Variants in MLLT1 observed in about 807,000 individuals in gnomAD.
MLLT1 encodes protein ENL.
In MLLT1, 11 loss-of-function variants were observed where a neutral mutation model predicts 55.1. The observed-to-expected ratio is 0.20, with a 90% CI of 0.13 to 0.33. The LOEUF (loss-of-function observed/expected upper bound fraction) is 0.33, where lower values mean the gene tolerates loss of function less well. MLLT1 is among the 10% of genes least tolerant of loss of function. The probability of loss-of-function intolerance (pLI) is 1.00; values close to 1 mark genes in which losing one functional copy is unlikely to be tolerated. For missense variants in MLLT1, 536 were observed against 760.6 expected, an observed-to-expected ratio of 0.70 and a Z score of 3.47; for synonymous variants, 323 against 320.1, an observed-to-expected ratio of 1.01 and a Z score of -0.10.
At chr19:6,238,881 G>A (rs2091087919) in intron 3 of MLLT1, among the ~76,000 whole-genome samples, 1 of 151,958 alleles carries the variant, frequency 6.6e-6, no homozygotes, top group Admixed American at 6.5e-5. Flanking sequence ...GCCTTGCTCT[G>A]CTTCAGGCGG....
rs1315609377 is a variant in MLLT1, at chr19:6,240,151, C to A, written c.277-9438G>T. ...CCTCTGGCTGGGAGGACAGTGTGGG[C>A]AGCATTAGCCCAGGCCCCTTCACGC... On this transcript the variant is annotated intron_variant, in intron 3 of 11. Transcript: ENST00000252674. The surrounding 1 kb of genome is among the most constrained non-coding windows in gnomAD (Gnocchi z 4.7). Among the ~76,000 whole-genome samples the A allele has an allele frequency of 6.6e-6, 1 of 152,166 alleles. No individual in the cohort carries two copies. The highest frequency in any genetic ancestry group is 1.5e-5 in the Non-Finnish European group (1 of 68,016).
chr19:6,213,610 T>G (rs540709404), intron 10 of MLLT1, 116 bp downstream of exon 10: 1 of 1,126,590 alleles, frequency 8.9e-7, no homozygotes, highest in African/African-American at 1.5e-5. Flanking sequence ...TCCCTGCTCC[T>G]GCCCAGGAAG....
intron 10 of MLLT1, 54 bp downstream of exon 10, chr19:6,213,672 T>TGGCC: frequency 7.4e-6 from 8 of 1,075,332 alleles, no homozygotes; most frequent in South Asian, 1.3e-5. Context: ...TGGCTGCAAC[T>TGGCC]CCCACCACCC....
chr19:6,236,510 CAG>C (rs1455700964), intron 3 of MLLT1, among the ~76,000 whole-genome samples: 2 of 152,168 alleles, frequency 1.3e-5, no homozygotes, highest in Admixed American at 1.3e-4. Context: ...TTCACAACTG[CAG>C]AGAGGGGCAG....
intron 3 of MLLT1, among the ~76,000 whole-genome samples, chr19:6,253,980 A>G (rs1280360297): frequency 6.6e-6 from 1 of 152,144 alleles, no homozygotes; most frequent in Non-Finnish European, 1.5e-5. Context: ...GGCCTCTAAG[A>G]TCCTTGAAAT....
Position 6,235,410 on chromosome 19 carries a change from C to T in MLLT1, c.277-4697G>A, listed in dbSNP as rs937361700. 6.6e-6 allele frequency among the ~76,000 whole-genome samples: 1 copy of T among 152,204 alleles called. No homozygotes were observed. The highest frequency in any genetic ancestry group is 1.5e-5 in the Non-Finnish European group (1 of 68,012). On this transcript the variant is annotated intron_variant, in intron 3 of 11. Coordinates refer to ENST00000252674, the MANE Select transcript of MLLT1 (RefSeq NM_005934.4). This position sits in a 1 kb window ranked among gnomAD's most constrained non-coding sequence, Gnocchi z 5.5. Reference sequence around the variant, plus strand: ...GCTGCAATGCCACAGCCACAGTGCTCAGCACCCTGCCTATCACCCACAGAA... The same window carrying T: ...GCTGCAATGCCACAGCCACAGTGCTTAGCACCCTGCCTATCACCCACAGAA...
chr19:6,227,156 C>T lies in MLLT1; in HGVS notation c.421-54G>A. On this transcript the variant is annotated intron_variant, in intron 4 of 11. Transcript: ENST00000252674. This position sits in a 1 kb window ranked among gnomAD's most constrained non-coding sequence, Gnocchi z 5.1. The stretch of plus-strand genomic sequence containing the variant: ...CGATGGGCAGGGGGCAGGGGGCCCA[C>T]ACGGGCCGGGCTGAAGGTGGTGGGG... 6.4e-7 allele frequency: 1 copy of T among 1,552,878 alleles called. No individual in the cohort carries two copies. The highest frequency in any genetic ancestry group is 8.7e-7 in the Non-Finnish European group (1 of 1,152,524).
At chr19:6,241,668 C>T (rs775913645) in intron 3 of MLLT1, among the ~76,000 whole-genome samples, 1 of 152,222 alleles carries the variant, frequency 6.6e-6, no homozygotes, top group African/African-American at 2.4e-5. Flanking sequence ...TGGGCACCTT[C>T]GTTCTTTCCT....
intron 6 of MLLT1, among the ~76,000 whole-genome samples, chr19:6,221,485 C>G (rs1330889185): frequency 2.0e-5 from 3 of 152,196 alleles, no homozygotes; most frequent in Admixed American, 6.5e-5. Flanking sequence ...GTGACAAGGC[C>G]GGTCCCTGAC....
At chr19:6,265,293 G>A (rs968861314) in intron 2 of MLLT1, among the ~76,000 whole-genome samples, 10 of 152,116 alleles carry the variant, frequency 6.6e-5, no homozygotes, top group East Asian at 1.9e-4. Flanking sequence ...TGGAATATTC[G>A]CATTCCTCTG....
In MLLT1 at chr19:6,229,823, C is replaced by T. The variant is rs1164348201; in HGVS notation, c.420+747G>A. ...CTCACACCATACACGAGACACATGCCACACACAACACACGTACATACACAT... is the reference window on the plus strand; with the variant it reads ...CTCACACCATACACGAGACACATGCTACACACAACACACGTACATACACAT... On this transcript the variant is annotated intron_variant, in intron 4 of 11. Coordinates refer to ENST00000252674, the MANE Select transcript of MLLT1 (RefSeq NM_005934.4). The surrounding 1 kb of genome is among the most constrained non-coding windows in gnomAD (Gnocchi z 5.2). Among the ~76,000 whole-genome samples, 1 of 151,786 alleles carries T rather than the reference C, an allele frequency of 6.6e-6. No individual in the cohort carries two copies. Among genetic ancestry groups the T allele is most frequent in the African/African-American group, 2.4e-5 (1 of 41,306 alleles).
intron 9 of MLLT1, 30 bp downstream of exon 9, chr19:6,213,909 G>C (rs2090808636): frequency 1.4e-6 from 2 of 1,478,142 alleles, no homozygotes; most frequent in Non-Finnish European, 1.8e-6. Flanking sequence ...GGCCTCTGGT[G>C]CACCCCCTGC....
At chr19:6,258,160 C>T (rs1211155100) in intron 3 of MLLT1, among the ~76,000 whole-genome samples, 1 of 152,126 alleles carries the variant, frequency 6.6e-6, no homozygotes. Context: ...GAACTGAAAA[C>T]GGGCACTCAA....
Position 6,270,652 on chromosome 19 carries a change from C to T in MLLT1, c.120G>A (p.Glu40=). ...HDWMVFVRGP[E]QCDIQHFVEK... Reference sequence around the variant, plus strand: ...CCACGAAGTGCTGGATGTCACATTGCTCGGGGCCGCGGACAAACACCATCC... The same window carrying T: ...CCACGAAGTGCTGGATGTCACATTGTTCGGGGCCGCGGACAAACACCATCC... Residue 40 remains glutamate (E), a synonymous_variant, in exon 2 of 12, where the codon GAG becomes GAA. Transcript: ENST00000252674. This position sits in a 1 kb window ranked among gnomAD's most constrained non-coding sequence, Gnocchi z 7.1. 1.2e-6 allele frequency: 2 copies of T among 1,614,186 alleles called. No homozygotes were observed. Among genetic ancestry groups the T allele is most frequent in the Non-Finnish European group, 1.7e-6 (2 of 1,180,026 alleles).
At chr19:6,236,512 G>A (rs1473535640) in intron 3 of MLLT1, among the ~76,000 whole-genome samples, 2 of 152,200 alleles carry the variant, frequency 1.3e-5, no homozygotes, top group African/African-American at 4.8e-5. Context: ...CACAACTGCA[G>A]AGAGGGGCAG....
chr19:6,241,411 CACAA>C (rs1228532262), intron 3 of MLLT1, among the ~76,000 whole-genome samples: 81 of 125,356 alleles, frequency 6.5e-4, no homozygotes, highest in Admixed American at 1.5e-4. Context: ...GTACAGGAGG[CACAA>C]ACAGTCGGAA....
At position 6,262,386 on chromosome 19, in the gene MLLT1, C is replaced by G; in HGVS notation, c.194-76G>C. 1 of 1,256,630 alleles carries G rather than the reference C, an allele frequency of 8.0e-7. No individual in the cohort carries two copies. The allele number at this position is 1,256,630 out of a possible 1,614,324, so 77.8% of individuals were successfully genotyped here. On this transcript the variant is annotated intron_variant, in intron 2 of 11. Coordinates refer to ENST00000252674, the MANE Select transcript of MLLT1 (RefSeq NM_005934.4). This position sits in a 1 kb window ranked among gnomAD's most constrained non-coding sequence, Gnocchi z 4.4. ...CCCAGCTGCCAGCGGCAGTACCGCACCCCTCAACCCCACCACCTCCTCACA... is the reference window on the plus strand; with the variant it reads ...CCCAGCTGCCAGCGGCAGTACCGCAGCCCTCAACCCCACCACCTCCTCACA...
chr19:6,220,610 C>A (rs1288824006), intron 6 of MLLT1, among the ~76,000 whole-genome samples: 1 of 152,236 alleles, frequency 6.6e-6, no homozygotes, highest in Admixed American at 6.5e-5. Context: ...GTGAGCAGAG[C>A]GGAGTGGAGC....
In MLLT1 at chr19:6,278,883, G is replaced by A. The variant is rs140394207; in HGVS notation, c.12+890C>T. Among the ~76,000 whole-genome samples, 3 of 152,276 alleles carry A rather than the reference G, an allele frequency of 2.0e-5. No homozygotes were observed. In the East Asian group the frequency reaches 5.8e-4, roughly 29 times the overall value. ...CCTGAAACTAGAAGGGGGCTGAGGCGGCAGGGTGGGTCAAAGAAAGAAGTC... is the reference window on the plus strand; with the variant it reads ...CCTGAAACTAGAAGGGGGCTGAGGCAGCAGGGTGGGTCAAAGAAAGAAGTC... On this transcript the variant is annotated intron_variant, in intron 1 of 11. Transcript: ENST00000252674.
Sources: allele counts gnomAD v4.1 joint callset (sites outside exome capture counted in the v4.1 genomes callset), GRCh38; gene constraint gnomAD v4.1.1; non-coding constraint Gnocchi (gnomAD v3.1); transcripts MANE v1.5; gene names NCBI Gene and HGNC (gene_info 2026-07-23, HGNC 2026-07-21).